Variants in AGPS observed in about 807,000 individuals in gnomAD.
The protein encoded by AGPS is alkyldihydroxyacetonephosphate synthase, peroxisomal.
AGPS carries 26 observed loss-of-function variants against 90.7 expected under a neutral mutation model. The ratio of observed to expected loss-of-function variants is 0.29; its 90% CI spans 0.21 to 0.40. The LOEUF is 0.40. Among genes scored for constraint, AGPS ranks in the 10% least tolerant of loss-of-function variants. The pLI is 1.00. For synonymous variants in AGPS, 294 were observed against 285.3 expected, an observed-to-expected ratio of 1.03 and a Z score of -0.31; for missense variants, 540 against 816.1, an observed-to-expected ratio of 0.66 and a Z score of 4.12.
intron 1 of AGPS, among the ~76,000 whole-genome samples, chr2:177,394,638 G>T (rs1327339021): frequency 6.6e-6 from 1 of 152,174 alleles, no homozygotes; most frequent in Admixed American, 6.5e-5. Context: ...TAATGGCTGG[G>T]AACATAGACC....
At chr2:177,497,037 C>T (rs1688433719) in intron 12 of AGPS, among the ~76,000 whole-genome samples, 2 of 152,090 alleles carry the variant, frequency 1.3e-5, no homozygotes, top group East Asian at 1.9e-4. Flanking sequence ...GGAGTTGAGT[C>T]GTTACTACTT....
intron 5 of AGPS, 77 bp from the exon 6 acceptor site, chr2:177,440,888 C>T (rs536465455): frequency 3.0e-5 from 36 of 1,215,378 alleles, no homozygotes; most frequent in Non-Finnish European, 3.8e-5. Context: ...TAAAGAATTT[C>T]GTAGGTTCTT....
intron 6 of AGPS, 158 bp downstream of exon 6, chr2:177,441,194 G>T: frequency 1.5e-6 from 1 of 664,332 alleles, no homozygotes; most frequent in Non-Finnish European, 2.6e-6. Context: ...TTTGTTCTAA[G>T]TAGGATTCCT....
intron 19 of AGPS, among the ~76,000 whole-genome samples, chr2:177,526,270 C>G (rs2079086945): frequency 6.9e-6 from 1 of 144,566 alleles, no homozygotes; most frequent in Non-Finnish European, 1.5e-5. Flanking sequence ...CACTTTATCA[C>G]CCAGGCTGGA....
At position 177,462,651 on chromosome 2, in the gene AGPS, G is replaced by A. The variant is rs552975624; in HGVS notation, c.996+633G>A. ...GTATCCACAAATTCAACCAAATGCAGCTCAAAAATATTTGGAAAAAAAAAT... is the reference window on the plus strand; with the variant it reads ...GTATCCACAAATTCAACCAAATGCAACTCAAAAATATTTGGAAAAAAAAAT... On this transcript the variant is annotated intron_variant, in intron 9 of 19. Transcript: ENST00000264167. Among the ~76,000 whole-genome samples, 5 of 151,232 alleles carry A rather than the reference G, an allele frequency of 3.3e-5. No individual in the cohort carries two copies. In the East Asian group the frequency reaches 9.7e-4, roughly 29 times the overall value.
At chr2:177,442,623 G>C (rs1177893857) in intron 7 of AGPS, 137 bp downstream of exon 7, 11 of 685,908 alleles carry the variant, frequency 1.6e-5, no homozygotes, top group African/African-American at 3.6e-5. Context: ...GAGGTGGGTG[G>C]ATCACTTGAG....
rs769157531 is a variant in AGPS, at chr2:177,507,964, T to C, written c.1546-6T>C. The stretch of plus-strand genomic sequence containing the variant: ...TTTCTTGATTTTTCTGTTTGTGTCT[T>C]AATAGGACTTGGCTTTGGAATACTA... On this transcript the variant is annotated splice_polypyrimidine_tract_variant and splice_region_variant and intron_variant, in intron 15 of 19. Coordinates refer to ENST00000264167, the MANE Select transcript of AGPS (RefSeq NM_003659.4). 1 of 1,608,998 alleles carries C rather than the reference T, an allele frequency of 6.2e-7. No individual in the cohort carries two copies. Among genetic ancestry groups the C allele is most frequent in the East Asian group, 2.2e-5 (1 of 44,788 alleles).
intron 1 of AGPS, among the ~76,000 whole-genome samples, chr2:177,417,761 GT>G (rs1237366311): frequency 6.6e-6 from 1 of 152,068 alleles, no homozygotes; most frequent in African/African-American, 2.4e-5. Flanking sequence ...ACTATATAAA[GT>G]TTTACTCTAA....
At chr2:177,405,564 A>G (rs1363123529) in intron 1 of AGPS, among the ~76,000 whole-genome samples, 1 of 152,174 alleles carries the variant, frequency 6.6e-6, no homozygotes, top group Non-Finnish European at 1.5e-5. Context: ...AAAAGGCCTT[A>G]ACAGCCATGA....
At chr2:177,528,454 T>TAA (rs1487449773) in intron 19 of AGPS, among the ~76,000 whole-genome samples, 1 of 152,232 alleles carries the variant, frequency 6.6e-6, no homozygotes, top group Non-Finnish European at 1.5e-5. Flanking sequence ...TCAGACATAC[T>TAA]AATCCCTTTT....
intron 8 of AGPS, among the ~76,000 whole-genome samples, chr2:177,461,002 A>AATAT (rs971905255): frequency 6.6e-6 from 1 of 152,248 alleles, no homozygotes; most frequent in Admixed American, 6.5e-5. Context: ...CTTAAATACA[A>AATAT]ATATACAGAC....
At chr2:177,408,712 G>C (rs1448197617) in intron 1 of AGPS, among the ~76,000 whole-genome samples, 2 of 151,992 alleles carry the variant, frequency 1.3e-5, no homozygotes, top group African/African-American at 4.8e-5. Context: ...TTTCCTTTCC[G>C]TTTCTCTCTC....
At chr2:177,393,680 A>G (rs979385947) in intron 1 of AGPS, 2 of 598,100 alleles carry the variant, frequency 3.3e-6, no homozygotes, top group African/African-American at 4.0e-5. Flanking sequence ...CCAGAAGCTA[A>G]AAGACAAGAG....
intron 19 of AGPS, 104 bp from the exon 20 acceptor site, chr2:177,537,970 A>G: frequency 6.8e-7 from 1 of 1,468,276 alleles, no homozygotes; most frequent in Admixed American, 1.7e-5. Context: ...TCATTTTTGA[A>G]TAAAAGCATT....
At position 177,521,478 on chromosome 2, in the gene AGPS, C is replaced by T; in HGVS notation, c.1797+110C>T. The T allele has an allele frequency of 3.2e-6, 3 of 925,306 alleles. 1 individual carries two copies. Among genetic ancestry groups the T allele is most frequent in the Middle Eastern group, 3.0e-4 (1 of 3,288 alleles). The allele number at this position is 925,306 out of a possible 1,614,324, so 57.3% of individuals were successfully genotyped here. On this transcript the variant is annotated intron_variant, in intron 18 of 19. Coordinates refer to ENST00000264167, the MANE Select transcript of AGPS (RefSeq NM_003659.4). ...AGTCTCTTTAATCACACATGGTTTG[C>T]CTAGCTGTTAGCCCTTAGAAATGAA...
At chr2:177,441,110 G>A (rs565823339) in intron 6 of AGPS, 74 bp downstream of exon 6, 119 of 1,233,496 alleles carry the variant, frequency 9.6e-5, no homozygotes, top group Non-Finnish European at 1.1e-4. Context: ...AAATATTTGC[G>A]TCACCCTACT....
intron 11 of AGPS, among the ~76,000 whole-genome samples, chr2:177,490,425 G>A (rs190668979): frequency 2.6e-5 from 4 of 152,188 alleles, no homozygotes; most frequent in East Asian, 1.9e-4. Flanking sequence ...CTTTAAAACC[G>A]TTGGTTTGAA....
intron 2 of AGPS, among the ~76,000 whole-genome samples, chr2:177,422,343 A>T (rs1685964984): frequency 6.6e-6 from 1 of 152,170 alleles, no homozygotes; most frequent in Non-Finnish European, 1.5e-5. Context: ...AACAAAGGAG[A>T]TTTGATGGTC....
chr2:177,407,817 A>C, intron 1 of AGPS, among the ~76,000 whole-genome samples: 1 of 148,950 alleles, frequency 6.7e-6, no homozygotes, highest in Admixed American at 6.7e-5. Context: ...TTTAAAAAAA[A>C]GAGGTGGGGT....
Sources: allele counts gnomAD v4.1 joint callset (sites outside exome capture counted in the v4.1 genomes callset), GRCh38; gene constraint gnomAD v4.1.1; transcripts MANE v1.5; gene names NCBI Gene and HGNC (gene_info 2026-07-23, HGNC 2026-07-21).